Variants in TRAPPC1 observed in about 807,000 individuals in gnomAD.
TRAPPC1 encodes BET5 homolog.
In TRAPPC1, 10 loss-of-function variants were observed where a neutral mutation model predicts 17.2. The observed-to-expected ratio is 0.58, with a 90% confidence interval of 0.36 to 0.99. The LOEUF is 0.99. Ranked by LOEUF, TRAPPC1 falls within the 50% of genes least tolerant of loss-of-function variation. The pLI is 0.01. For missense variants in TRAPPC1, 163 were observed against 184.4 expected, an observed-to-expected ratio of 0.88 and a Z score of 0.67; for synonymous variants, 85 against 74.5, an observed-to-expected ratio of 1.14 and a Z score of -0.72.
Position 7,930,733 on chromosome 17 carries a change from A to G in TRAPPC1, c.311T>C (p.Leu104Pro). The change falls in exon 4 of 4, where the codon CTG (leucine) becomes CCG (proline). Residue 104 changes from leucine to proline, a missense_variant and splice_region_variant. Leu to Pro is a moderately conservative substitution (Grantham distance 98). Coordinates refer to ENST00000303731, the MANE Select transcript of TRAPPC1 (RefSeq NM_021210.5). ...ATTCTTCACCACCAGCTCCACATAC[A>G]GCTATGGAAAGGGAAGATGTTAGAG... ...RDVLHHIYSALYVELVVKNPL... is the reference protein window; with the variant it reads ...RDVLHHIYSAPYVELVVKNPL... 1 of 1,613,710 alleles carries G rather than the reference A, an allele frequency of 6.2e-7. No homozygotes were observed. Among genetic ancestry groups the G allele is most frequent in the African/African-American group, 1.3e-5 (1 of 75,004 alleles).
chr17:7,931,308 C>T (rs536520412), intron 2 of TRAPPC1, 159 bp from the exon 3 acceptor site: 3 of 1,105,784 alleles, frequency 2.7e-6, no homozygotes, highest in Non-Finnish European at 3.9e-6. Flanking sequence ...TCAATTTAGC[C>T]CCCACCAACT....
At chr17:7,931,456 A>C in intron 2 of TRAPPC1, 50 bp downstream of exon 2, 1 of 1,587,710 alleles carries the variant, frequency 6.3e-7, no homozygotes, top group South Asian at 1.1e-5. Flanking sequence ...CCCCATCCCC[A>C]AATTCCCAAG....
rs531253495 is a variant in TRAPPC1, at chr17:7,931,860, G to A, written c.-31C>T. 6 of 1,590,340 alleles carry A rather than the reference G, an allele frequency of 3.8e-6. No individual in the cohort carries two copies. The highest frequency in any genetic ancestry group is 1.7e-5 in the Admixed American group (1 of 59,972). On this transcript the variant is annotated 5_prime_UTR_variant, in exon 1 of 4. Transcript: ENST00000303731. ...GGGCAGGGAGTGTGAGCCTCGCTCC[G>A]GGGCCGCCCCCACTCCTTGGGCTCG...
In TRAPPC1 at chr17:7,930,595, G is replaced by A. The variant is rs1348141956; in HGVS notation, c.*11C>T. On this transcript the variant is annotated 3_prime_UTR_variant, in exon 4 of 4. Coordinates refer to ENST00000303731, the MANE Select transcript of TRAPPC1 (RefSeq NM_021210.5). ...AGACATGAATTCTCCTGAGACTTGA[G>A]GTAGGTTGCTTCAGCCAGCCCGGGC... is the stretch of plus-strand genomic sequence containing the variant. 5 of 1,613,902 alleles carry A rather than the reference G, an allele frequency of 3.1e-6. No individual in the cohort carries two copies. Among genetic ancestry groups the A allele is most frequent in the Non-Finnish European group, 4.2e-6 (5 of 1,179,992 alleles).
At chr17:7,931,256 G>T in intron 2 of TRAPPC1, 107 bp from the exon 3 acceptor site, 1 of 1,385,542 alleles carries the variant, frequency 7.2e-7, no homozygotes, top group Non-Finnish European at 9.8e-7. Context: ...CATATCCTTT[G>T]TAGAAGCCTG....
rs150887254 is a variant in TRAPPC1, at chr17:7,931,053, G to A, written c.267C>T (p.Gly89=). 4.3e-6 allele frequency: 7 copies of A among 1,613,808 alleles called. No individual in the cohort carries two copies. In the African/African-American group the frequency reaches 8.0e-5, roughly 18 times the overall value. Residue 89 remains glycine, a synonymous_variant, in exon 3 of 4, where the codon GGC becomes GGT. Transcript: ENST00000303731. Reference sequence around the variant, plus strand: ...GCAGCACATCTCGGATGGGTCCCACGCCCAAGTCAGTATTCATGACAACTT... The same window carrying A: ...GCAGCACATCTCGGATGGGTCCCACACCCAAGTCAGTATTCATGACAACTT... The part of the protein sequence containing the change: ...GIKVVMNTDL[G]VGPIRDVLHH...
At position 7,931,872 on chromosome 17, in the gene TRAPPC1, A is replaced by G. The variant is rs1972540676; in HGVS notation, c.-43T>C. The G allele has an allele frequency of 2.6e-6, 4 of 1,564,580 alleles. No homozygotes were observed. Among genetic ancestry groups the G allele is most frequent in the Admixed American group, 1.7e-5 (1 of 59,944 alleles). ...TGAGCCTCGCTCCGGGGCCGCCCCC[A>G]CTCCTTGGGCTCGGGTTCCCGGACC... On this transcript the variant is annotated 5_prime_UTR_variant, in exon 1 of 4. Coordinates refer to ENST00000303731, the MANE Select transcript of TRAPPC1 (RefSeq NM_021210.5).
chr17:7,930,914 G>T, intron 3 of TRAPPC1, 97 bp downstream of exon 3: 1 of 1,528,776 alleles, frequency 6.5e-7, no homozygotes, highest in Non-Finnish European at 8.8e-7. Flanking sequence ...AAACTCTTGA[G>T]TTGAGCAAAC....
Position 7,930,664 on chromosome 17 carries a change from C to T in TRAPPC1, c.380G>A (p.Arg127His), listed in dbSNP as rs992268697. The T allele has an allele frequency of 1.2e-5, 20 of 1,614,010 alleles. No individual in the cohort carries two copies. Among genetic ancestry groups the T allele is most frequent in the Non-Finnish European group, 1.5e-5 (18 of 1,180,034 alleles). ...GCGAACATAGGAGTCCAGTCGGGAG[C>T]GAAAGAGCTCACTTTGCACAGTTTG... ...LGQTVQSELF[R>H]SRLDSYVRSL... Residue 127 changes from arginine (R) to histidine (H), a missense_variant, in exon 4 of 4, where the codon CGC becomes CAC. Arg to His is a conservative substitution (Grantham distance 29). Transcript: ENST00000303731.
Position 7,930,814 on chromosome 17 carries a change from G to T in TRAPPC1, c.310-80C>A. 4 of 1,558,620 alleles carry T rather than the reference G, an allele frequency of 2.6e-6. No individual in the cohort carries two copies. The South Asian group carries it at 4.8e-5, about 19-fold the overall frequency. On this transcript the variant is annotated intron_variant, in intron 3 of 3. Coordinates refer to ENST00000303731, the MANE Select transcript of TRAPPC1 (RefSeq NM_021210.5). ...CCAAACCTTGTATAACCTCAGGGGT[G>T]TGTGAATGCACAAGGAATAAGGGCT... is the stretch of plus-strand genomic sequence containing the variant.
Position 7,930,748 on chromosome 17 carries a change from A to G in TRAPPC1, c.310-14T>C, listed in dbSNP as rs1337601564. The G allele has an allele frequency of 3.1e-6, 5 of 1,612,990 alleles. 1 individual carries two copies. In the South Asian group the frequency reaches 5.5e-5, roughly 18 times the overall value. ...CTCCACATACAGCTATGGAAAGGGA[A>G]GATGTTAGAGCCAGGCTTTGGATAC... On this transcript the variant is annotated splice_polypyrimidine_tract_variant and intron_variant, in intron 3 of 3. Transcript: ENST00000303731.
At chr17:7,931,445 C>A (rs919845789) in intron 2 of TRAPPC1, 61 bp downstream of exon 2, 3 of 1,549,518 alleles carry the variant, frequency 1.9e-6, no homozygotes, top group Middle Eastern at 1.7e-4. Flanking sequence ...CAGAAAGTTT[C>A]CCCCATCCCC....
chr17:7,930,537 C>T lies in TRAPPC1; in HGVS notation c.*69G>A, dbSNP rs1972410450. On this transcript the variant is annotated 3_prime_UTR_variant, in exon 4 of 4. Transcript: ENST00000303731. ...GGTGCGGGGGCTTACAGTGGGGGCC[C>T]TTAGTTGGCACAGGTTCGGAAGGGC... is the stretch of plus-strand genomic sequence containing the variant. 2 of 1,607,050 alleles carry T rather than the reference C, an allele frequency of 1.2e-6. No homozygotes were observed. Among genetic ancestry groups the T allele is most frequent in the South Asian group, 1.1e-5 (1 of 90,506 alleles).
At chr17:7,930,852 C>A in intron 3 of TRAPPC1, 118 bp from the exon 4 acceptor site, 1 of 1,507,480 alleles carries the variant, frequency 6.6e-7, no homozygotes. Flanking sequence ...AAGGCAAGCC[C>A]TCTCTGAGGA....
chr17:7,931,917 G>A lies in TRAPPC1; in HGVS notation c.-88C>T, dbSNP rs1972544841. On this transcript the variant is annotated 5_prime_UTR_variant, in exon 1 of 4. Coordinates refer to ENST00000303731, the MANE Select transcript of TRAPPC1 (RefSeq NM_021210.5). ...CGGACCCACAGCCTTCCAACCAGGT[G>A]GGGACCCCACCCACGGACTCACCGG... 2 of 1,165,114 alleles carry A rather than the reference G, an allele frequency of 1.7e-6. No individual in the cohort carries two copies. Among genetic ancestry groups the A allele is most frequent in the South Asian group, 2.4e-5 (2 of 81,708 alleles). The allele number at this position is 1,165,114 out of a possible 1,614,324, so 72.2% of individuals were successfully genotyped here. A position where few individuals can be genotyped will look rare whatever the true frequency, so the allele number is the denominator to read the frequency against.
chr17:7,930,520 G>A lies in TRAPPC1; in HGVS notation c.*86C>T. 1 of 1,576,888 alleles carries A rather than the reference G, an allele frequency of 6.3e-7. No homozygotes were observed. On this transcript the variant is annotated 3_prime_UTR_variant, in exon 4 of 4. Coordinates refer to ENST00000303731, the MANE Select transcript of TRAPPC1 (RefSeq NM_021210.5). Reference sequence around the variant, plus strand: ...TCTGGGCAGGGGGTGGGGGTGCGGGGGCTTACAGTGGGGGCCCTTAGTTGG... The same window carrying A: ...TCTGGGCAGGGGGTGGGGGTGCGGGAGCTTACAGTGGGGGCCCTTAGTTGG...
chr17:7,931,618 A>T, intron 1 of TRAPPC1, 42 bp from the exon 2 acceptor site: 1 of 746,190 alleles, frequency 1.3e-6, no homozygotes, highest in African/African-American at 1.9e-5. Context: ...TTGATGCGGG[A>T]GATGGGGTGG....
Position 7,931,720 on chromosome 17 carries a change from C to T in TRAPPC1, c.99+11G>A. ...GAGGTCGCCCGGGCTGCACCGGGGC[C>T]CTCTCGTCACCTCCTCCTTGGGAAT... On this transcript the variant is annotated intron_variant, in intron 1 of 3. Transcript: ENST00000303731. 6.2e-7 allele frequency: 1 copy of T among 1,613,314 alleles called. No individual in the cohort carries two copies. The highest frequency in any genetic ancestry group is 8.5e-7 in the Non-Finnish European group (1 of 1,179,244).
chr17:7,931,657 G>A (rs766185669), intron 1 of TRAPPC1, 74 bp downstream of exon 1: 5 of 1,556,410 alleles, frequency 3.2e-6, no homozygotes, highest in Non-Finnish European at 4.4e-6. Flanking sequence ...GGTTTGGAGA[G>A]GAGGGGCTGG....
Sources: allele counts gnomAD v4.1 joint callset, GRCh38; gene constraint gnomAD v4.1.1; transcripts MANE v1.5; gene names NCBI Gene and HGNC (gene_info 2026-07-23, HGNC 2026-07-21).